The following AP2B1 variants were observed in gnomAD, a reference collection of about 807,000 sequenced individuals.
The protein encoded by AP2B1 is adaptor related protein complex 2 subunit beta 1, also known as AP-2 complex subunit beta.
In AP2B1, 23 loss-of-function variants were observed where a neutral mutation model predicts 102.0. The ratio of observed to expected loss-of-function variants is 0.23; its 90% confidence interval spans 0.16 to 0.32. AP2B1 has a LOEUF of 0.32. Among genes scored for constraint, AP2B1 ranks in the 10% least tolerant of loss-of-function variants. The pLI is 1.00. For missense variants in AP2B1, 541 were observed against 1,157.4 expected (o/e 0.47, Z 7.73); for synonymous variants, 381 against 421.2 (o/e 0.90, Z 1.17).
intron 2 of AP2B1, among the ~76,000 whole-genome samples, chr17:35,594,363 A>T (rs898349881): frequency 2.0e-5 from 3 of 152,238 alleles, no homozygotes; most frequent in African/African-American, 7.2e-5. Flanking sequence ...GGAGGACAAA[A>T]GAAGCAGCAT....
chr17:35,627,368 G>T lies in AP2B1; in HGVS notation c.939-17G>T. ...ATATGCCTTCACCTTCCTTTCTTCT[G>T]TTTCTGTGTACCCTAGGCCTGAAAT... On this transcript the variant is annotated splice_polypyrimidine_tract_variant and intron_variant, in intron 7 of 21. Coordinates refer to ENST00000610402, the MANE Select transcript of AP2B1 (RefSeq NM_001030006.2). 6.4e-7 allele frequency: 1 copy of T among 1,560,884 alleles called. No homozygotes were observed. The highest frequency in any genetic ancestry group is 1.1e-5 in the South Asian group (1 of 90,264).
intron 20 of AP2B1, among the ~76,000 whole-genome samples, chr17:35,714,480 C>T (rs1055724110): frequency 1.3e-5 from 2 of 152,102 alleles, no homozygotes; most frequent in South Asian, 2.1e-4. Context: ...AAGATCACAT[C>T]GACACCTTCT....
At chr17:35,690,923 A>T (rs1293527290) in intron 18 of AP2B1, among the ~76,000 whole-genome samples, 1 of 152,152 alleles carries the variant, frequency 6.6e-6, no homozygotes, top group Non-Finnish European at 1.5e-5. Flanking sequence ...CTGCGATACA[A>T]CTTTATAATT....
chr17:35,705,590 C>T (rs2076325071), intron 18 of AP2B1, among the ~76,000 whole-genome samples: 1 of 152,022 alleles, frequency 6.6e-6, no homozygotes, highest in African/African-American at 2.4e-5. Context: ...GGTGCAATCT[C>T]AGCTCACTGC....
At chr17:35,710,852 CTT>C (rs1423530999) in intron 20 of AP2B1, among the ~76,000 whole-genome samples, 2 of 152,138 alleles carry the variant, frequency 1.3e-5, no homozygotes, top group African/African-American at 4.8e-5. Context: ...GGCAGGATCT[CTT>C]GAGTCCAGTT....
chr17:35,709,814 C>T (rs1555586648), intron 19 of AP2B1, among the ~76,000 whole-genome samples: 1 of 149,608 alleles, frequency 6.7e-6, no homozygotes, highest in African/African-American at 2.6e-5. Context: ...ACATTTCTCT[C>T]TTCCCTTATT....
intron 18 of AP2B1, among the ~76,000 whole-genome samples, chr17:35,683,637 C>T (rs1204469516): frequency 6.6e-6 from 1 of 152,178 alleles, no homozygotes; most frequent in Admixed American, 6.5e-5. Flanking sequence ...TCAGTTTTCA[C>T]CTACCTCGAA....
rs2075507874 is a variant in AP2B1 at position 35,668,071 on chromosome 17, G to A, written c.1990-2786G>A. 2.0e-5 allele frequency among the ~76,000 whole-genome samples: 3 copies of A among 151,410 alleles called. No individual in the cohort carries two copies. In the South Asian group the frequency reaches 6.3e-4, roughly 32 times the overall value. ...TCCTGTATCAGCCTTCTGAGTAGCTGGGACTACAGGTTCCCGTCACCAGGC... is the reference window on the plus strand; with the variant it reads ...TCCTGTATCAGCCTTCTGAGTAGCTAGGACTACAGGTTCCCGTCACCAGGC... On this transcript the variant is annotated intron_variant, in intron 14 of 21. Transcript: ENST00000610402.
chr17:35,671,774 A>G lies in AP2B1; in HGVS notation c.2052A>G (p.Pro684=), dbSNP rs1198282444. Residue 684 remains proline (P), a synonymous_variant, in exon 16 of 22, where the codon CCA becomes CCG. Transcript: ENST00000610402. The stretch of plus-strand genomic sequence containing the variant: ...TGCAGGTGGGACAATCCTTCATCCC[A>G]TCATCGGTGCCTGCAACCTTTGCTC... ...GSPAVGQSFI[P]SSVPATFAPS... is the part of the protein sequence containing the mutation. 1.2e-6 allele frequency: 2 copies of G among 1,612,772 alleles called. No homozygotes were observed. The highest frequency in any genetic ancestry group is 8.5e-7 in the Non-Finnish European group (1 of 1,179,694).
chr17:35,592,843 A>C (rs955035208), intron 1 of AP2B1, among the ~76,000 whole-genome samples: 1 of 152,184 alleles, frequency 6.6e-6, no homozygotes, highest in African/African-American at 2.4e-5. Context: ...GCCTGGCCCC[A>C]AAATTTTAAT....
chr17:35,607,016 C>T (rs1384370927), intron 4 of AP2B1, among the ~76,000 whole-genome samples: 1 of 152,062 alleles, frequency 6.6e-6, no homozygotes, highest in Non-Finnish European at 1.5e-5. Context: ...AGTGATTCTC[C>T]TGCCTCATCC....
intron 10 of AP2B1, among the ~76,000 whole-genome samples, chr17:35,638,555 G>A (rs746485206): frequency 4.6e-5 from 7 of 152,194 alleles, no homozygotes; most frequent in South Asian, 4.1e-4. Context: ...TTGGGAGGCC[G>A]AGGTGGGCGG....
intron 1 of AP2B1, chr17:35,588,845 T>C (rs1190173134): frequency 1.3e-5 from 2 of 152,252 alleles, no homozygotes; most frequent in African/African-American, 4.8e-5. Context: ...AATATAAATC[T>C]AATATTCTGA....
chr17:35,638,720 C>T (rs58375460), intron 10 of AP2B1, among the ~76,000 whole-genome samples: 2,573 of 146,146 alleles, frequency 0.018, 70 homozygotes, highest in African/African-American at 0.063. Flanking sequence ...ACCCGGGAGG[C>T]GGAGCTTGCA....
chr17:35,611,828 A>G (rs528988135), intron 5 of AP2B1, among the ~76,000 whole-genome samples: 3 of 152,326 alleles, frequency 2.0e-5, no homozygotes, highest in African/African-American at 4.8e-5. Flanking sequence ...TCCCCTAGCT[A>G]TATAAAATTT....
chr17:35,681,549 G>A (rs1358953722), intron 17 of AP2B1, among the ~76,000 whole-genome samples: 2 of 152,062 alleles, frequency 1.3e-5, no homozygotes, highest in African/African-American at 4.8e-5. Context: ...GACTACAGGC[G>A]TGTGCCACCA....
intron 21 of AP2B1, among the ~76,000 whole-genome samples, chr17:35,720,268 T>C (rs1555592088): frequency 6.6e-6 from 1 of 152,042 alleles, no homozygotes; most frequent in East Asian, 1.9e-4. Flanking sequence ...GATATGTTGC[T>C]GTATTTATAG....
intron 20 of AP2B1, among the ~76,000 whole-genome samples, chr17:35,711,974 T>G (rs1259995608): frequency 1.3e-5 from 2 of 152,216 alleles, no homozygotes; most frequent in Non-Finnish European, 2.9e-5. Flanking sequence ...TAAAAGACAT[T>G]CAGACAGGCA....
chr17:35,723,026 T>G (rs907261516), intron 21 of AP2B1, among the ~76,000 whole-genome samples: 1 of 152,186 alleles, frequency 6.6e-6, no homozygotes, highest in Non-Finnish European at 1.5e-5. Context: ...AAATAAAAGA[T>G]TAAGCTGTTG....
Sources: allele counts gnomAD v4.1 joint callset (sites outside exome capture counted in the v4.1 genomes callset), GRCh38; gene constraint gnomAD v4.1.1; transcripts MANE v1.5; gene names NCBI Gene and HGNC (gene_info 2026-07-23, HGNC 2026-07-21).